Variants in ATP10A observed in about 807,000 individuals in gnomAD.
The protein encoded by ATP10A is phospholipid-transporting ATPase VA.
A neutral mutation model predicts 147.8 loss-of-function variants in ATP10A; 111 were observed. The ratio of observed to expected loss-of-function variants is 0.75; its 90% CI spans 0.64 to 0.88. ATP10A has a LOEUF of 0.88. ATP10A is among the 40% of genes least tolerant of loss of function. The pLI is 0.00. For synonymous variants in ATP10A, 875 were observed against 841.6 expected, an observed-to-expected ratio of 1.04 and a Z score of -0.69; for missense variants, 1,927 against 1,959.0, an observed-to-expected ratio of 0.98 and a Z score of 0.31.
rs757631238 is a variant in ATP10A at position 25,716,685 on chromosome 15, A to AG, written c.1776+44dup. 8.8e-6 allele frequency: 13 copies of AG among 1,474,356 alleles called. No individual in the cohort carries two copies. The African/African-American group carries it at 1.6e-4, about 18-fold the overall frequency. The allele number at this position is 1,474,356 out of a possible 1,614,324, so 91.3% of individuals were successfully genotyped here. A position where few individuals can be genotyped will look rare whatever the true frequency, so the allele number is the denominator to read the frequency against. ...AGGAGGACTGACAACCATGGCCCGC[A>AG]GCGCAGAAGGTCAAGGTCAAGCTCA... On this transcript the variant is annotated intron_variant, in intron 9 of 20. Coordinates refer to ENST00000555815, the MANE Select transcript of ATP10A (RefSeq NM_024490.4).
intron 1 of ATP10A, among the ~76,000 whole-genome samples, chr15:25,797,993 A>G (rs1457392298): frequency 6.6e-6 from 1 of 152,196 alleles, no homozygotes; most frequent in Non-Finnish European, 1.5e-5. Context: ...GTGTTGTTAT[A>G]GACTTCATTT....
At chr15:25,806,428 T>A (rs978682178) in intron 1 of ATP10A, among the ~76,000 whole-genome samples, 1 of 152,102 alleles carries the variant, frequency 6.6e-6, no homozygotes, top group African/African-American at 2.4e-5. Flanking sequence ...TTCTCCTGCC[T>A]CAGCCTCCCG....
chr15:25,860,918 G>A (rs964203270), intron 1 of ATP10A, among the ~76,000 whole-genome samples: 5 of 152,126 alleles, frequency 3.3e-5, no homozygotes, highest in South Asian at 2.1e-4. Flanking sequence ...CAGGAGTTAC[G>A]GGCTCAGTAA....
intron 2 of ATP10A, among the ~76,000 whole-genome samples, chr15:25,777,555 T>A (rs1355945915): frequency 1.3e-5 from 2 of 152,010 alleles, no homozygotes; most frequent in African/African-American, 4.8e-5. Context: ...GTGGGAGAAC[T>A]CTGTCTCAGA....
upstream of ATP10A, chr15:25,863,567 C>G (rs1893875053): frequency 6.6e-6 from 1 of 152,462 alleles, no homozygotes; most frequent in Admixed American, 6.5e-5. Flanking sequence ...GAGAGGAAAC[C>G]GCGAAGCGCG....
In ATP10A at chr15:25,761,074, T is replaced by C. The variant is rs531474537; in HGVS notation, c.654+19945A>G. Among the ~76,000 whole-genome samples, 18 of 152,284 alleles carry C rather than the reference T, an allele frequency of 1.2e-4. No individual in the cohort carries two copies. In the East Asian group the frequency reaches 3.3e-3, roughly 28 times the overall value. Reference sequence around the variant, plus strand: ...ATACATAGTTGAGCTATACTATATATCTCAACCAAATACTACTCTCAATAA... The same window carrying C: ...ATACATAGTTGAGCTATACTATATACCTCAACCAAATACTACTCTCAATAA... On this transcript the variant is annotated intron_variant, in intron 2 of 20. Coordinates refer to ENST00000555815, the MANE Select transcript of ATP10A (RefSeq NM_024490.4).
chr15:25,754,190 G>A (rs1187329418), intron 2 of ATP10A, among the ~76,000 whole-genome samples: 1 of 152,172 alleles, frequency 6.6e-6, no homozygotes, highest in African/African-American at 2.4e-5. Flanking sequence ...CTGGAATGCA[G>A]TGGCGTGATC....
At chr15:25,689,546 C>T (rs1899896857) in intron 15 of ATP10A, among the ~76,000 whole-genome samples, 2 of 152,214 alleles carry the variant, frequency 1.3e-5, no homozygotes, top group African/African-American at 4.8e-5. Context: ...TCTCAAAGGG[C>T]TCAGCAGGGA....
chr15:25,824,552 T>TTC (rs1892028251), intron 1 of ATP10A, among the ~76,000 whole-genome samples: 1 of 53,004 alleles, frequency 1.9e-5, no homozygotes, highest in Non-Finnish European at 4.2e-5. Flanking sequence ...TCTCACTTTT[T>TTC]GTGTGTGTTT....
At chr15:25,769,063 G>A (rs774667139) in intron 2 of ATP10A, among the ~76,000 whole-genome samples, 1 of 152,222 alleles carries the variant, frequency 6.6e-6, no homozygotes, top group South Asian at 2.1e-4. Flanking sequence ...TTAGTGCCTT[G>A]ACTCTCACAC....
chr15:25,858,214 G>A (rs1893601754), intron 1 of ATP10A, among the ~76,000 whole-genome samples: 1 of 152,230 alleles, frequency 6.6e-6, no homozygotes, highest in Non-Finnish European at 1.5e-5. Flanking sequence ...AAGAACTGGC[G>A]TGGTCCCTGC....
intron 2 of ATP10A, among the ~76,000 whole-genome samples, chr15:25,776,739 C>G (rs1038693555): frequency 6.6e-6 from 1 of 152,206 alleles, no homozygotes; most frequent in African/African-American, 2.4e-5. Flanking sequence ...TGGGCCATGC[C>G]CACCGCCTTC....
chr15:25,801,695 G>A (rs759558009), intron 1 of ATP10A, among the ~76,000 whole-genome samples: 26 of 152,184 alleles, frequency 1.7e-4, no homozygotes, highest in Admixed American at 4.6e-4. Context: ...GCCCCGTGAC[G>A]CTGATGTGTC....
downstream of ATP10A, among the ~76,000 whole-genome samples, chr15:25,674,621 A>G (rs973152783): frequency 1.3e-5 from 2 of 152,296 alleles, no homozygotes; most frequent in African/African-American, 2.4e-5. Flanking sequence ...ACATTTTTGC[A>G]TTTCTCTCTG....
intron 1 of ATP10A, among the ~76,000 whole-genome samples, chr15:25,808,804 C>A (rs1338462569): frequency 6.6e-6 from 1 of 152,188 alleles, no homozygotes; most frequent in Admixed American, 6.5e-5. Context: ...CAACTTTATG[C>A]CAAATGCCAT....
chr15:25,794,551 G>A (rs766949354), intron 1 of ATP10A, among the ~76,000 whole-genome samples: 13 of 152,120 alleles, frequency 8.5e-5, no homozygotes, highest in Non-Finnish European at 1.9e-4. Context: ...TTAACACATG[G>A]ATCAAAATAT....
intron 1 of ATP10A, among the ~76,000 whole-genome samples, chr15:25,860,653 G>A (rs536134407): frequency 6.6e-6 from 1 of 152,144 alleles, no homozygotes; most frequent in Non-Finnish European, 1.5e-5. Context: ...CTGGAGTCAA[G>A]GGCAGAGTGG....
chr15:25,802,844 C>A (rs1313539185), intron 1 of ATP10A, among the ~76,000 whole-genome samples: 3 of 152,184 alleles, frequency 2.0e-5, no homozygotes, highest in African/African-American at 4.8e-5. Context: ...TCCTGACTTC[C>A]CCTTTGCCCT....
intron 1 of ATP10A, among the ~76,000 whole-genome samples, chr15:25,842,360 C>G (rs868101164): frequency 7.2e-5 from 11 of 152,152 alleles, no homozygotes; most frequent in African/African-American, 2.7e-4. Context: ...GTTGCTACCC[C>G]CTCATGTCCT....
Sources: gnomAD v4.1 joint callset for allele counts (sites outside exome capture counted in the v4.1 genomes callset) on GRCh38, gnomAD v4.1.1 for gene constraint, MANE v1.5 for transcripts, NCBI Gene and HGNC (gene_info 2026-07-23, HGNC 2026-07-21) for gene names.